The following HS3ST4 variants were observed in gnomAD, a reference collection of about 807,000 sequenced individuals.
HS3ST4 encodes the protein heparan sulfate-glucosamine 3-sulfotransferase 4, also known as heparan sulfate glucosamine 3-O-sulfotransferase 4.
Under a neutral mutation model 29.2 loss-of-function variants are expected in HS3ST4, and 17 were observed. The ratio of observed to expected loss-of-function variants is 0.58; its 90% CI spans 0.40 to 0.87. HS3ST4 has a LOEUF of 0.87. Among genes scored for constraint, HS3ST4 ranks in the 40% least tolerant of loss-of-function variants. The probability of loss-of-function intolerance (pLI) is 0.00; values close to 1 mark genes in which losing one functional copy is unlikely to be tolerated. For missense variants in HS3ST4, 627 were observed against 634.5 expected (o/e 0.99, Z 0.13); for synonymous variants, 314 against 285.7 (o/e 1.10, Z -1.00).
At chr16:25,857,688 AT>A (rs1967587258) in intron 1 of HS3ST4, among the ~76,000 whole-genome samples, 1 of 152,164 alleles carries the variant, frequency 6.6e-6, no homozygotes, top group East Asian at 1.9e-4. Flanking sequence ...GGTTGGTATC[AT>A]TTTTTTAATT....
intron 1 of HS3ST4, among the ~76,000 whole-genome samples, chr16:25,977,969 C>T (rs1266692198): frequency 6.6e-6 from 1 of 152,176 alleles, no homozygotes; most frequent in Non-Finnish European, 1.5e-5. Context: ...TGGAGAGAGG[C>T]TGACCCAAGT....
intron 1 of HS3ST4, among the ~76,000 whole-genome samples, chr16:25,921,711 C>T (rs985557731): frequency 1.3e-5 from 2 of 151,940 alleles, no homozygotes; most frequent in African/African-American, 4.8e-5. Context: ...TTTGCTCTCA[C>T]TACCCTGGGT....
chr16:25,952,212 G>T (rs1052733458), intron 1 of HS3ST4, among the ~76,000 whole-genome samples: 1 of 152,182 alleles, frequency 6.6e-6, no homozygotes, highest in Non-Finnish European at 1.5e-5. Flanking sequence ...ATCCTTTAAA[G>T]AAACAGTTTT....
rs1966263056 is a variant in HS3ST4, at chr16:25,692,695, C to T, written c.278C>T (p.Ala93Val). The T allele has an allele frequency of 1.6e-6, 2 of 1,232,130 alleles. No homozygotes were observed. The highest frequency in any genetic ancestry group is 1.0e-6 in the Non-Finnish European group (1 of 989,940). The allele number at this position is 1,232,130 out of a possible 1,614,324, so 76.3% of individuals were successfully genotyped here. The change falls in exon 1 of 2, where the codon GCC becomes GTC. Residue 93 changes from alanine to valine, a missense_variant. Ala to Val is a moderately conservative substitution (Grantham distance 64, BLOSUM62 0). This residue lies in a region of HS3ST4 where 402 missense variants were observed against 340.8 expected (regional missense o/e 1.18). Transcript: ENST00000331351. ...CTGCCTACCCCCGTGCGCCTCGGCG[C>T]CCCCTCGCAGCCGCCCGCGCCGCCG... The part of the protein sequence containing the change: ...SLLPTPVRLG[A>V]PSQPPAPPPL...
At chr16:25,891,954 G>A (rs1465095569) in intron 1 of HS3ST4, among the ~76,000 whole-genome samples, 1 of 152,126 alleles carries the variant, frequency 6.6e-6, no homozygotes, top group African/African-American at 2.4e-5. Context: ...TATCTTATTG[G>A]ATTATTATGA....
chr16:25,761,939 T>G (rs576553768), intron 1 of HS3ST4, among the ~76,000 whole-genome samples: 1 of 152,242 alleles, frequency 6.6e-6, no homozygotes, highest in South Asian at 2.1e-4. Context: ...CTCAGTGATA[T>G]GGAATGAATG....
chr16:25,768,573 G>A (rs1966835933), intron 1 of HS3ST4, among the ~76,000 whole-genome samples: 1 of 152,152 alleles, frequency 6.6e-6, no homozygotes, highest in Non-Finnish European at 1.5e-5. Flanking sequence ...CATGTGGAGT[G>A]GAACAGGGCC....
At chr16:25,705,453 C>T (rs1355628902) in intron 1 of HS3ST4, among the ~76,000 whole-genome samples, 1 of 152,128 alleles carries the variant, frequency 6.6e-6, no homozygotes, top group Non-Finnish European at 1.5e-5. Context: ...ACCACAAGGT[C>T]AGGAGGTCGA....
intron 1 of HS3ST4, among the ~76,000 whole-genome samples, chr16:25,854,459 G>A (rs1292934369): frequency 6.6e-6 from 1 of 152,092 alleles, no homozygotes; most frequent in Admixed American, 6.6e-5. Context: ...GTGAGTTTTG[G>A]TTGCCTTCTG....
intron 1 of HS3ST4, among the ~76,000 whole-genome samples, chr16:25,798,958 T>C (rs1966906531): frequency 6.6e-6 from 1 of 152,186 alleles, no homozygotes; most frequent in Admixed American, 6.5e-5. Flanking sequence ...AGACGTTACA[T>C]GTTCTCTCTA....
At chr16:26,074,477 C>T (rs1898636940) in intron 1 of HS3ST4, among the ~76,000 whole-genome samples, 1 of 152,132 alleles carries the variant, frequency 6.6e-6, no homozygotes, top group Non-Finnish European at 1.5e-5. Flanking sequence ...TCCATCTATC[C>T]ATCCTTCTTC....
At chr16:25,725,227 T>G (rs761508951) in intron 1 of HS3ST4, among the ~76,000 whole-genome samples, 20 of 152,148 alleles carry the variant, frequency 1.3e-4, no homozygotes, top group Non-Finnish European at 2.8e-4. Context: ...TATCAGAGGA[T>G]GGAATGGCTT....
In HS3ST4 at chr16:26,135,994, G is replaced by T. The variant is rs749218404; in HGVS notation, c.1117G>T (p.Asp373Tyr). The T allele has an allele frequency of 2.0e-5, 32 of 1,613,862 alleles. No individual in the cohort carries two copies. In the East Asian group the frequency reaches 5.3e-4, roughly 27 times the overall value. Reference sequence around the variant, plus strand: ...CGCCGGGGAAATGGCCAAAGTACAGGATTTTCTAGGCCTCAAACGTGTTGT... The same window carrying T: ...CGCCGGGGAAATGGCCAAAGTACAGTATTTTCTAGGCCTCAAACGTGTTGT... The part of the protein sequence containing the change: ...DPAGEMAKVQ[D>Y]FLGLKRVVTE... Residue 373 changes from aspartate to tyrosine, a missense_variant, in exon 2 of 2, where the codon GAT (aspartate) becomes TAT (tyrosine). Asp to Tyr is a radical substitution (Grantham distance 160). This residue lies in a region of HS3ST4 where 225 missense variants were observed against 293.7 expected (regional missense o/e 0.77). Coordinates refer to ENST00000331351, the MANE Select transcript of HS3ST4 (RefSeq NM_006040.3).
At chr16:25,875,324 T>A (rs145303534) in intron 1 of HS3ST4, among the ~76,000 whole-genome samples, 11 of 152,246 alleles carry the variant, frequency 7.2e-5, no homozygotes, top group African/African-American at 2.4e-4. Context: ...GGAGCAGTGC[T>A]TTTTCTGTGT....
chr16:25,960,146 G>C (rs146045744), intron 1 of HS3ST4, among the ~76,000 whole-genome samples: 378 of 151,900 alleles, frequency 2.5e-3, no homozygotes, highest in Non-Finnish European at 4.0e-3. Flanking sequence ...CAAAAAAAAA[G>C]AATCTGGGAC....
intron 1 of HS3ST4, among the ~76,000 whole-genome samples, chr16:25,868,070 G>A (rs776029604): frequency 6.6e-6 from 1 of 152,118 alleles, no homozygotes; most frequent in Non-Finnish European, 1.5e-5. Context: ...AAAGGCCCTA[G>A]GATAATGCAC....
At chr16:25,717,885 G>A (rs1373192387) in intron 1 of HS3ST4, among the ~76,000 whole-genome samples, 1 of 152,174 alleles carries the variant, frequency 6.6e-6, no homozygotes, top group Non-Finnish European at 1.5e-5. Context: ...AGTTCTTCCA[G>A]TAGTCCAGGA....
intron 1 of HS3ST4, among the ~76,000 whole-genome samples, chr16:25,730,260 T>G (rs1966561865): frequency 6.6e-6 from 1 of 152,204 alleles, no homozygotes; most frequent in East Asian, 1.9e-4. Flanking sequence ...GTTGGTACTT[T>G]GAGCCTAAAC....
Position 25,966,672 on chromosome 16 carries a change from A to G in HS3ST4, c.735-168940A>G, listed in dbSNP as rs114177799. Among the ~76,000 whole-genome samples the G allele has an allele frequency of 6.0e-3, 895 of 149,664 alleles. 5 individuals are homozygous for G. Among genetic ancestry groups the G allele is most frequent in the African/African-American group, 0.02 (831 of 40,750 alleles). ...CACTTTGAGTGGTGGTGAGAATTAT[A>G]TCACTGTTCTCTGTTTCTGCTCTCT... On this transcript the variant is annotated intron_variant, in intron 1 of 1. Coordinates refer to ENST00000331351, the MANE Select transcript of HS3ST4 (RefSeq NM_006040.3).
Sources: gnomAD v4.1 joint callset for allele counts (sites outside exome capture counted in the v4.1 genomes callset) on GRCh38, gnomAD v4.1.1 for gene constraint, gnomAD v4.1.1 regional missense constraint, MANE v1.5 for transcripts, NCBI Gene and HGNC (gene_info 2026-07-23, HGNC 2026-07-21) for gene names.